The following SH3BGRL2 variants were observed in gnomAD, a reference collection of about 807,000 sequenced individuals.
The protein encoded by SH3BGRL2 is SH3 domain binding glutamate rich protein like 2.
In SH3BGRL2, 21 loss-of-function variants were observed where a neutral mutation model predicts 14.8. The observed-to-expected ratio is 1.42, with a 90% CI of 1.01 to 2.05. SH3BGRL2 has a LOEUF of 2.05. SH3BGRL2 is among the 30% of genes most tolerant of loss of function. The pLI, the probability that SH3BGRL2 is intolerant of heterozygous loss-of-function variation, is 0.00. For synonymous variants in SH3BGRL2, 50 were observed against 47.8 expected, an observed-to-expected ratio of 1.05 and a Z score of -0.19; for missense variants, 147 against 130.8, an observed-to-expected ratio of 1.12 and a Z score of -0.61.
chr6:79,582,748 C>G, the SH3BGRL2 span, among the ~76,000 whole-genome samples: 25 of 152,266 alleles, frequency 1.6e-4, no homozygotes, highest in East Asian at 4.6e-3. Context: ...GACTAAAACA[C>G]CAAAAGCAAT....
the SH3BGRL2 span, among the ~76,000 whole-genome samples, chr6:79,569,199 G>C: frequency 9.2e-5 from 14 of 152,186 alleles, no homozygotes; most frequent in Admixed American, 3.3e-4. Context: ...TCAATTCAAA[G>C]AATTTCTGAT....
chr6:79,631,616 G>A, intron 1 of SH3BGRL2, 110 bp downstream of exon 1: 2 of 884,748 alleles, frequency 2.3e-6, no homozygotes, highest in South Asian at 4.8e-5. Flanking sequence ...TCCGCCCGCG[G>A]GAGCCCGCGC....
chr6:79,680,228 G>A (rs183987187), intron 2 of SH3BGRL2, among the ~76,000 whole-genome samples: 64 of 152,196 alleles, frequency 4.2e-4, no homozygotes, highest in African/African-American at 1.4e-3. Flanking sequence ...CCTTGGGTTT[G>A]TGTCTTCAAT....
chr6:79,566,491 C>A, the SH3BGRL2 span, among the ~76,000 whole-genome samples: 1 of 152,016 alleles, frequency 6.6e-6, no homozygotes, highest in East Asian at 1.9e-4. Context: ...GTAATAGGTC[C>A]AGAACAAAAA....
At chr6:79,630,054 G>A (rs539619296), upstream of SH3BGRL2, among the ~76,000 whole-genome samples, 8 of 152,212 alleles carry the variant, frequency 5.3e-5, no homozygotes, top group African/African-American at 1.9e-4. Flanking sequence ...TACATTTGCC[G>A]AGAGATACTA....
the SH3BGRL2 span, among the ~76,000 whole-genome samples, chr6:79,567,739 T>G: frequency 2.6e-5 from 4 of 152,170 alleles, no homozygotes; most frequent in Admixed American, 6.5e-5. Context: ...GTAAAAGAGA[T>G]AAATACAACT....
chr6:79,611,453 C>T, the SH3BGRL2 span, among the ~76,000 whole-genome samples: 8 of 142,614 alleles, frequency 5.6e-5, no homozygotes, highest in South Asian at 1.6e-3. Context: ...GTCACCCAGG[C>T]TGGAGTGCAA....
chr6:79,610,459 A>G, the SH3BGRL2 span, among the ~76,000 whole-genome samples: 176 of 152,346 alleles, frequency 1.2e-3, no homozygotes, highest in African/African-American at 3.8e-3. Flanking sequence ...CTTACGCACA[A>G]CAGGGCCTGC....
At chr6:79,541,340 C>A in the SH3BGRL2 span, among the ~76,000 whole-genome samples, 33 of 152,042 alleles carry the variant, frequency 2.2e-4, no homozygotes, top group African/African-American at 7.7e-4. Context: ...ACCTCAATTT[C>A]TGAATGGCTT....
At chr6:79,549,551 A>G in the SH3BGRL2 span, among the ~76,000 whole-genome samples, 4 of 152,180 alleles carry the variant, frequency 2.6e-5, no homozygotes, top group Non-Finnish European at 4.4e-5. Context: ...ACAATTGCCT[A>G]CAGTATTCAG....
the SH3BGRL2 span, among the ~76,000 whole-genome samples, chr6:79,618,328 G>T: frequency 6.6e-6 from 1 of 152,068 alleles, no homozygotes; most frequent in East Asian, 1.9e-4. Context: ...ACTGATCTTG[G>T]TGTTCAAATT....
At chr6:79,696,839 A>G (rs963701552) in intron 3 of SH3BGRL2, among the ~76,000 whole-genome samples, 8 of 152,150 alleles carry the variant, frequency 5.3e-5, no homozygotes, top group Admixed American at 2.6e-4. Context: ...TTAAGGTAGC[A>G]AAAACTAGTA....
chr6:79,575,638 T>A, the SH3BGRL2 span: 1 of 152,150 alleles, frequency 6.6e-6, no homozygotes, highest in East Asian at 1.9e-4. Flanking sequence ...ATTTTTTTTT[T>A]ACTTAAAGTT....
intron 2 of SH3BGRL2, among the ~76,000 whole-genome samples, chr6:79,693,605 A>G (rs935568071): frequency 1.9e-4 from 29 of 152,048 alleles, no homozygotes; most frequent in African/African-American, 6.3e-4. Context: ...TTCTGCATCT[A>G]TTGAGATAAT....
At chr6:79,565,347 T>A in the SH3BGRL2 span, among the ~76,000 whole-genome samples, 1 of 152,178 alleles carries the variant, frequency 6.6e-6, no homozygotes, top group African/African-American at 2.4e-5. Flanking sequence ...TTTTATTTAA[T>A]TTTTAAATTT....
intron 2 of SH3BGRL2, among the ~76,000 whole-genome samples, chr6:79,678,568 C>G (rs1456207218): frequency 6.6e-6 from 1 of 152,174 alleles, no homozygotes; most frequent in Admixed American, 6.5e-5. Flanking sequence ...CACCTCTTGG[C>G]TATTGTGAAT....
At chr6:79,560,867 CTTTTTTTTTTTT>C in the SH3BGRL2 span, among the ~76,000 whole-genome samples, 44 of 45,784 alleles carry the variant, frequency 9.6e-4, no homozygotes, top group African/African-American at 3.5e-3. Flanking sequence ...ACAATACACT[CTTTTTTTTTTTT>C]TTTTTTTTTT....
the SH3BGRL2 span, among the ~76,000 whole-genome samples, chr6:79,618,197 T>A: frequency 6.6e-6 from 1 of 152,228 alleles, no homozygotes; most frequent in Non-Finnish European, 1.5e-5. Context: ...ATTTTCAGAA[T>A]AAGGAGTTGC....
At chr6:79,574,698 T>C in the SH3BGRL2 span, 2 of 152,210 alleles carry the variant, frequency 1.3e-5, no homozygotes, top group African/African-American at 2.4e-5. Flanking sequence ...TTTAATGTTA[T>C]GTACATTTTA....
Sources: allele counts gnomAD v4.1 joint callset (sites outside exome capture counted in the v4.1 genomes callset), GRCh38; gene constraint gnomAD v4.1.1; transcripts MANE v1.5; gene names NCBI Gene and HGNC (gene_info 2026-07-23, HGNC 2026-07-21).